Variants in CAPG observed in about 807,000 individuals in gnomAD.
The protein encoded by CAPG is capping actin protein, gelsolin like.
A neutral mutation model predicts 44.6 loss-of-function variants in CAPG; 32 were observed. The observed-to-expected ratio is 0.72, with a 90% CI of 0.54 to 0.96. CAPG has a LOEUF of 0.96. CAPG is among the 50% of genes least tolerant of loss of function. The pLI is 0.00. For synonymous variants in CAPG, 175 were observed against 179.6 expected, an observed-to-expected ratio of 0.97 and a Z score of 0.20; for missense variants, 412 against 438.3, an observed-to-expected ratio of 0.94 and a Z score of 0.54.
chr2:85,401,136 G>C, intron 5 of CAPG, 29 bp downstream of exon 5: 1 of 1,607,078 alleles, frequency 6.2e-7, no homozygotes, highest in East Asian at 2.2e-5. Context: ...GTGCCAATAC[G>C]GAGTGCTCAG....
intron 1 of CAPG, among the ~76,000 whole-genome samples, chr2:85,403,877 A>G (rs1187508213): frequency 1.5e-5 from 2 of 131,154 alleles, no homozygotes; most frequent in Non-Finnish European, 3.2e-5. Context: ...ACAGAGTGAG[A>G]CTCCATCTCA....
intron 1 of CAPG, among the ~76,000 whole-genome samples, chr2:85,404,171 T>G (rs1024432112): frequency 6.6e-6 from 1 of 151,912 alleles, no homozygotes; most frequent in Non-Finnish European, 1.5e-5. Context: ...TACACATACA[T>G]TGCATATGTA....
At chr2:85,399,740 C>CT (rs765588444) in intron 5 of CAPG, among the ~76,000 whole-genome samples, 3,144 of 127,552 alleles carry the variant, frequency 0.025, 121 homozygotes, top group African/African-American at 0.079. Context: ...CTTTCTTTTT[C>CT]TTTTTTTTTT....
intron 1 of CAPG, among the ~76,000 whole-genome samples, chr2:85,404,582 C>T (rs1355508301): frequency 1.3e-5 from 2 of 151,996 alleles, no homozygotes; most frequent in African/African-American, 4.8e-5. Context: ...AACCCTGTCT[C>T]TACTAAAATA....
intron 7 of CAPG, 33 bp from the exon 8 acceptor site, chr2:85,398,185 C>G (rs758512564): frequency 1.2e-6 from 2 of 1,606,836 alleles, no homozygotes; most frequent in Admixed American, 1.7e-5. Context: ...GATCTCACCC[C>G]CCACACACCA....
At chr2:85,400,544 G>A (rs980873453) in intron 5 of CAPG, among the ~76,000 whole-genome samples, 10 of 152,104 alleles carry the variant, frequency 6.6e-5, no homozygotes, top group Admixed American at 1.3e-4. Flanking sequence ...CCCCCAGCCC[G>A]GGTCCCAGTC....
upstream of CAPG, among the ~76,000 whole-genome samples, chr2:85,410,854 TG>T (rs1353655265): frequency 2.0e-5 from 3 of 149,906 alleles, no homozygotes; most frequent in East Asian, 3.9e-4. Context: ...ATCAGTTTTT[TG>T]GTTTTTTTTG....
intron 8 of CAPG, among the ~76,000 whole-genome samples, chr2:85,396,765 T>C (rs1253744714): frequency 6.6e-6 from 1 of 152,130 alleles, no homozygotes; most frequent in Admixed American, 6.5e-5. Context: ...CGCTTTCCAC[T>C]CTTTTGCTGC....
Position 85,401,190 on chromosome 2 carries a change from TCC to T in CAPG, c.489_490del (p.Asp164LeufsTer37). On this transcript the variant is annotated frameshift_variant, in exon 5 of 10. Transcript: ENST00000263867. LOFTEE classifies it high-confidence loss of function. ...CTGGCCCAGGTCCAGGATGAAGCAG[TCC>T]CCAGTGTTGAAGCTGTCCCAGTTCA... is the stretch of plus-strand genomic sequence containing the variant. 1 of 1,614,052 alleles carries T rather than the reference TCC, an allele frequency of 6.2e-7. No homozygotes were observed. The highest frequency in any genetic ancestry group is 8.5e-7 in the Non-Finnish European group (1 of 1,179,982).
Position 85,403,760 on chromosome 2 carries a change from G to A in CAPG, c.-13-1602C>T, listed in dbSNP as rs1443776612. ...AAATTTGCTGGGTGTGGTGGCACGTGCCTATAGTCCCAGCTACTCAGGAGG... is the reference window on the plus strand; with the variant it reads ...AAATTTGCTGGGTGTGGTGGCACGTACCTATAGTCCCAGCTACTCAGGAGG... On this transcript the variant is annotated intron_variant, in intron 1 of 9. Transcript: ENST00000263867. Among the ~76,000 whole-genome samples the A allele has an allele frequency of 2.0e-5, 3 of 151,824 alleles. No homozygotes were observed. The East Asian group carries it at 5.8e-4, about 29-fold the overall frequency.
At chr2:85,394,711 T>C, downstream of CAPG, 1 of 652,180 alleles carries the variant, frequency 1.5e-6, no homozygotes. Context: ...TGAACCCAGG[T>C]GAATAGGTGG....
chr2:85,401,878 C>T lies in CAPG; in HGVS notation c.103G>A (p.Ala35Thr). 1 of 1,614,116 alleles carries T rather than the reference C, an allele frequency of 6.2e-7. No individual in the cohort carries two copies. The highest frequency in any genetic ancestry group is 8.5e-7 in the Non-Finnish European group (1 of 1,180,014). Residue 35 changes from alanine (A) to threonine (T), a missense_variant, in exon 3 of 10, where the codon GCG (alanine) becomes ACG (threonine). Transcript: ENST00000263867. ...AAGAAGACGCCCTGGTTCTCTTGCG[C>T]CACAGGCACCGGCTTCAGCTTCTCC... Reference protein sequence around the residue: ...RVEKLKPVPVAQENQGVFFSG... With the variant: ...RVEKLKPVPVTQENQGVFFSG...
In CAPG at chr2:85,401,157, C is replaced by T. The variant is rs764330765; in HGVS notation, c.516+8G>A. The stretch of plus-strand genomic sequence containing the variant: ...ATACGGAGTGCTCAGTCTGGCCAGC[C>T]TACCCACCTGGCCCAGGTCCAGGAT... On this transcript the variant is annotated splice_region_variant and intron_variant, in intron 5 of 9. Coordinates refer to ENST00000263867, the MANE Select transcript of CAPG (RefSeq NM_001747.4). 3 of 1,613,068 alleles carry T rather than the reference C, an allele frequency of 1.9e-6. No homozygotes were observed. The highest frequency in any genetic ancestry group is 2.5e-6 in the Non-Finnish European group (3 of 1,179,154).
At chr2:85,412,632 T>C (rs1216079695), upstream of CAPG, among the ~76,000 whole-genome samples, 1 of 152,016 alleles carries the variant, frequency 6.6e-6, no homozygotes, top group Non-Finnish European at 1.5e-5. Context: ...AAATAATCTG[T>C]ACAACAAAGC....
At chr2:85,415,382 C>T (rs1251203899) in intron 1 of CAPG, among the ~76,000 whole-genome samples, 1 of 152,214 alleles carries the variant, frequency 6.6e-6, no homozygotes, top group Admixed American at 6.5e-5. Context: ...CATAGTCCTT[C>T]CAGAGCATTC....
intron 1 of CAPG, among the ~76,000 whole-genome samples, chr2:85,407,793 T>C (rs2104840268): frequency 1.3e-5 from 2 of 151,824 alleles, no homozygotes; most frequent in South Asian, 4.2e-4. Context: ...TTGGACTCAT[T>C]AAAACCAGAC....
chr2:85,417,367 G>C (rs1436487852), intron 1 of CAPG, among the ~76,000 whole-genome samples: 1 of 152,120 alleles, frequency 6.6e-6, no homozygotes, highest in African/African-American at 2.4e-5. Flanking sequence ...CACTTAGTAA[G>C]CGGCAGAGGA....
upstream of CAPG, chr2:85,413,249 C>T (rs1573195076): frequency 6.6e-6 from 1 of 152,202 alleles, no homozygotes; most frequent in East Asian, 1.9e-4. Context: ...CCTCTCCTAT[C>T]ACCACAGGAA....
At chr2:85,404,935 CAA>C (rs538367727) in intron 1 of CAPG, among the ~76,000 whole-genome samples, 61 of 111,734 alleles carry the variant, frequency 5.5e-4, no homozygotes, top group Admixed American at 7.3e-4. Flanking sequence ...AACCCCCTCT[CAA>C]AAAAAAAAAA....
Sources: allele counts gnomAD v4.1 joint callset (sites outside exome capture counted in the v4.1 genomes callset), GRCh38; gene constraint gnomAD v4.1.1; transcripts MANE v1.5; gene names NCBI Gene and HGNC (gene_info 2026-07-23, HGNC 2026-07-21).